MDFIC2: variants seen among roughly 807,000 people sequenced by gnomAD.
MDFIC2 encodes the protein MyoD family inhibitor domain containing 2, also known as myoD family inhibitor domain-containing protein 2.
intron 2 of MDFIC2, among the ~76,000 whole-genome samples, chr3:70,214,621 T>TTTA (rs1553645970): frequency 6.7e-6 from 1 of 150,226 alleles, no homozygotes; most frequent in African/African-American, 2.5e-5. Flanking sequence ...TTTTTTTTTT[T>TTTA]ATCTAACTAT....
Position 70,195,675 on chromosome 3 carries a change from G to A in MDFIC2, c.*1251C>T, listed in dbSNP as rs1278653832. Among the ~76,000 whole-genome samples the A allele has an allele frequency of 6.6e-6, 1 of 152,006 alleles. No individual in the cohort carries two copies. Among genetic ancestry groups the A allele is most frequent in the Non-Finnish European group, 1.5e-5 (1 of 67,988 alleles). ...ATTTCACTTTTGTGTTCTTTGTTTG[G>A]TTACTCATGCATGATGCTTTTTTAT... On this transcript the variant is annotated 3_prime_UTR_variant, in exon 4 of 4. Coordinates refer to ENST00000567252, the MANE Select transcript of MDFIC2 (RefSeq NM_001364677.1).
intron 2 of MDFIC2, chr3:70,249,021 CG>C (rs1338234723): frequency 1.3e-5 from 2 of 152,120 alleles, no homozygotes; most frequent in African/African-American, 2.4e-5. Flanking sequence ...GAGATATTAT[CG>C]TAAGTTCACA....
intron 2 of MDFIC2, among the ~76,000 whole-genome samples, chr3:70,267,585 T>TTG (rs1559549288): frequency 2.7e-5 from 4 of 146,756 alleles, no homozygotes; most frequent in Admixed American, 6.7e-5. Context: ...TGTATTTTTT[T>TTG]TTTTTTTTTT....
intron 2 of MDFIC2, among the ~76,000 whole-genome samples, chr3:70,237,306 C>A (rs1340153413): frequency 1.3e-5 from 2 of 152,170 alleles, no homozygotes; most frequent in Non-Finnish European, 2.9e-5. Flanking sequence ...ATAGACAGAC[C>A]TCTATTAATG....
At chr3:70,210,998 T>C (rs1368286130) in intron 2 of MDFIC2, among the ~76,000 whole-genome samples, 3 of 152,124 alleles carry the variant, frequency 2.0e-5, no homozygotes, top group Non-Finnish European at 4.4e-5. Flanking sequence ...TTACTCTAAG[T>C]TATTAAGAAA....
chr3:70,305,801 C>A (rs1336035754), intron 2 of MDFIC2, among the ~76,000 whole-genome samples: 1 of 152,174 alleles, frequency 6.6e-6, no homozygotes, highest in Non-Finnish European at 1.5e-5. Flanking sequence ...GGGAAAGATT[C>A]TCAGTTTCTT....
rs1282158066 is a variant in MDFIC2 at position 70,259,243 on chromosome 3, A to G, written c.89-52453T>C. On this transcript the variant is annotated intron_variant, in intron 2 of 3. Transcript: ENST00000567252. ...TAGTCTATGCTAAAAACCTACAAGA[A>G]AGAGGTAAGAGTTGGAATTTCACAT... Among the ~76,000 whole-genome samples, 4 of 152,118 alleles carry G rather than the reference A, an allele frequency of 2.6e-5. No homozygotes were observed. In the East Asian group the frequency reaches 5.8e-4, roughly 22 times the overall value.
At chr3:70,207,155 A>G (rs1701299207) in intron 2 of MDFIC2, among the ~76,000 whole-genome samples, 1 of 151,902 alleles carries the variant, frequency 6.6e-6, no homozygotes, top group South Asian at 2.1e-4. Flanking sequence ...GAGGAAAAGG[A>G]TAAGGATCTT....
At chr3:70,211,229 T>C (rs1382124207) in intron 2 of MDFIC2, among the ~76,000 whole-genome samples, 1 of 151,812 alleles carries the variant, frequency 6.6e-6, no homozygotes, top group East Asian at 1.9e-4. Context: ...TCCTTTCCTT[T>C]CCCTTTTTCC....
intron 2 of MDFIC2, among the ~76,000 whole-genome samples, chr3:70,219,169 C>T (rs1230030923): frequency 2.6e-5 from 4 of 152,096 alleles, no homozygotes; most frequent in African/African-American, 9.7e-5. Flanking sequence ...TTCTAAAACA[C>T]CTTTAAAAAT....
At chr3:70,304,477 C>T (rs1187730707) in intron 2 of MDFIC2, among the ~76,000 whole-genome samples, 2 of 152,154 alleles carry the variant, frequency 1.3e-5, no homozygotes, top group Non-Finnish European at 2.9e-5. Flanking sequence ...TTGGCTCCTC[C>T]CTTTTCTAGC....
intron 2 of MDFIC2, among the ~76,000 whole-genome samples, chr3:70,264,428 C>T (rs777777169): frequency 6.6e-6 from 1 of 152,208 alleles, no homozygotes; most frequent in African/African-American, 2.4e-5. Context: ...TGTCTAAGAA[C>T]TGAATATCGG....
At chr3:70,255,651 G>A (rs1328877094) in intron 2 of MDFIC2, among the ~76,000 whole-genome samples, 1 of 152,020 alleles carries the variant, frequency 6.6e-6, no homozygotes, top group Admixed American at 6.6e-5. Flanking sequence ...TGGAGGTGGG[G>A]TCTCATTATG....
chr3:70,311,962 A>G lies in MDFIC2; in HGVS notation c.12T>C (p.Thr4=). The G allele has an allele frequency of 2.5e-6, 1 of 397,868 alleles. No homozygotes were observed. The highest frequency in any genetic ancestry group is 2.1e-5 in the African/African-American group (1 of 48,718). 24.6% of individuals were successfully genotyped at this position (397,868 alleles called of 1,614,324 possible). A position where few individuals can be genotyped will look rare whatever the true frequency, so the allele number is the denominator to read the frequency against. ...TTCTTACTTTTATCTTTTCCAGCTC[A>G]GTTTCTGACATCTAAGTGGAAACAG... The part of the protein sequence containing the change: MSE[T]ELEKIKVRTA... Residue 4 remains threonine (T), a synonymous_variant, in exon 2 of 4, where the codon ACT becomes ACC. Transcript: ENST00000567252.
Position 70,196,531 on chromosome 3 carries a change from T to C in MDFIC2, c.*395A>G, listed in dbSNP as rs1701182569. Among the ~76,000 whole-genome samples, 1 of 152,186 alleles carries C rather than the reference T, an allele frequency of 6.6e-6. No individual in the cohort carries two copies. The highest frequency in any genetic ancestry group is 2.1e-4 in the South Asian group (1 of 4,826). On this transcript the variant is annotated 3_prime_UTR_variant, in exon 4 of 4. Coordinates refer to ENST00000567252, the MANE Select transcript of MDFIC2 (RefSeq NM_001364677.1). The stretch of plus-strand genomic sequence containing the variant: ...TCCATTAGAAAGACGAGCTAATGTA[T>C]GTCAATTCTAAAAGAATGCACTAAT...
intron 2 of MDFIC2, among the ~76,000 whole-genome samples, chr3:70,207,902 TA>T (rs1430092494): frequency 6.6e-6 from 1 of 152,026 alleles, no homozygotes; most frequent in Non-Finnish European, 1.5e-5. Context: ...TCCTGCCATG[TA>T]ATGATTGGGA....
intron 2 of MDFIC2, among the ~76,000 whole-genome samples, chr3:70,299,122 G>A (rs4408841): frequency 0.21 from 31,571 of 151,972 alleles, 3,472 homozygotes; most frequent in South Asian, 0.28. Flanking sequence ...AAAATGTGAA[G>A]CAGCCTGAAT....
intron 2 of MDFIC2, among the ~76,000 whole-genome samples, chr3:70,219,283 C>G (rs2106735490): frequency 6.6e-6 from 1 of 152,278 alleles, no homozygotes; most frequent in Non-Finnish European, 1.5e-5. Context: ...ATAATCCAAT[C>G]AGTCTAGCAC....
At chr3:70,217,091 G>A (rs1701419234) in intron 2 of MDFIC2, among the ~76,000 whole-genome samples, 1 of 152,034 alleles carries the variant, frequency 6.6e-6, no homozygotes, top group African/African-American at 2.4e-5. Flanking sequence ...TGCTTATGGT[G>A]TACATGTATT....
Sources: allele counts gnomAD v4.1 joint callset (sites outside exome capture counted in the v4.1 genomes callset), GRCh38; gene constraint gnomAD v4.1.1; transcripts MANE v1.5; gene names NCBI Gene and HGNC (gene_info 2026-07-23, HGNC 2026-07-21).